CSF2RB: variants seen among roughly 807,000 people sequenced by gnomAD.
CSF2RB encodes cytokine receptor common subunit beta.
CSF2RB carries 22 observed loss-of-function variants against 67.2 expected under a neutral mutation model. That is an observed-to-expected ratio of 0.33 (90% CI 0.23 to 0.47). The LOEUF is 0.47. Among genes scored for constraint, CSF2RB ranks in the 20% least tolerant of loss-of-function variants. The pLI is 1.00. For missense variants in CSF2RB, 1,113 were observed against 1,174.5 expected (o/e 0.95, Z 0.76); for synonymous variants, 507 against 482.9 (o/e 1.05, Z -0.65).
At chr22:36,921,107 G>A (rs1483306392) in intron 1 of CSF2RB, among the ~76,000 whole-genome samples, 1 of 117,328 alleles carries the variant, frequency 8.5e-6, no homozygotes, top group Non-Finnish European at 2.0e-5. Context: ...ATGTGTGTCT[G>A]TGTATGTGTG....
chr22:36,935,585 G>A (rs757510670), intron 11 of CSF2RB, 45 bp from the exon 12 acceptor site: 14 of 1,612,240 alleles, frequency 8.7e-6, no homozygotes, highest in Non-Finnish European at 1.1e-5. Context: ...GGGAGCAGCT[G>A]GCCATGAGGT....
intron 2 of CSF2RB, among the ~76,000 whole-genome samples, 153 bp downstream of exon 2, chr22:36,922,436 C>G (rs551847642): frequency 6.6e-6 from 1 of 152,166 alleles, no homozygotes; most frequent in African/African-American, 2.4e-5. Context: ...GGGCCTCCCC[C>G]GCTTCCCTCC....
intron 1 of CSF2RB, among the ~76,000 whole-genome samples, chr22:36,919,259 C>T (rs75796150): frequency 7.8e-4 from 119 of 152,344 alleles, no homozygotes; most frequent in Non-Finnish European, 1.2e-3. Context: ...CCCCCTGCTT[C>T]TGAATGCTGG....
At chr22:36,923,452 C>A in intron 3 of CSF2RB, 85 bp downstream of exon 3, 1 of 1,554,826 alleles carries the variant, frequency 6.4e-7, no homozygotes, top group Admixed American at 1.9e-5. Flanking sequence ...AGAGAGGGAC[C>A]TGTCAGGTCA....
At chr22:36,927,412 A>T (rs1408445388) in intron 4 of CSF2RB, among the ~76,000 whole-genome samples, 1 of 152,152 alleles carries the variant, frequency 6.6e-6, no homozygotes, top group Non-Finnish European at 1.5e-5. Flanking sequence ...GGAGATCAGA[A>T]CAGGCTTCCC....
At position 36,932,841 on chromosome 22, in the gene CSF2RB, G is replaced by A; in HGVS notation, c.1089G>A (p.Met363Ile). The change falls in exon 9 of 14, where the codon ATG becomes ATA. Residue 363 changes from methionine (M) to isoleucine (I), a missense_variant. Around this residue, in one of 2 missense-constraint regions of CSF2RB, gnomAD observed 559 missense variants for 656.5 expected, o/e 0.85. Coordinates refer to ENST00000403662, the MANE Select transcript of CSF2RB (RefSeq NM_000395.3). ...SYSLRWETMK[M>I]RYEHIDHTFE... is the part of the protein sequence containing the mutation. ...GCCTGCGCTGGGAAACAATGAAAAT[G>A]CGATACGAACACATAGACCACACAT... 2 of 1,614,194 alleles carry A rather than the reference G, an allele frequency of 1.2e-6. No homozygotes were observed. Among genetic ancestry groups the A allele is most frequent in the Non-Finnish European group, 1.7e-6 (2 of 1,180,050 alleles).
chr22:36,915,143 G>T (rs1940689390), intron 1 of CSF2RB, among the ~76,000 whole-genome samples: 1 of 152,124 alleles, frequency 6.6e-6, no homozygotes, highest in South Asian at 2.1e-4. Flanking sequence ...GGAATGCAGT[G>T]GTGCAATCTT....
Position 36,938,957 on chromosome 22 carries a change from C to A in CSF2RB, c.*455C>A. The A allele has an allele frequency of 1.7e-6, 1 of 599,904 alleles. No individual in the cohort carries two copies. Among genetic ancestry groups the A allele is most frequent in the Non-Finnish European group, 3.0e-6 (1 of 335,666 alleles). 37.2% of individuals were successfully genotyped at this position (599,904 alleles called of 1,614,324 possible). A position where few individuals can be genotyped will look rare whatever the true frequency, so the allele number is the denominator to read the frequency against. ...GTGTGGGCTGCCTGTCCCCGGCAGTCGCTGATGCACATGACATGATTCTCA... is the reference window on the plus strand; with the variant it reads ...GTGTGGGCTGCCTGTCCCCGGCAGTAGCTGATGCACATGACATGATTCTCA... On this transcript the variant is annotated 3_prime_UTR_variant, in exon 14 of 14. Transcript: ENST00000403662.
chr22:36,924,236 G>A (rs1398142492), intron 3 of CSF2RB, among the ~76,000 whole-genome samples: 2 of 151,954 alleles, frequency 1.3e-5, no homozygotes, highest in South Asian at 2.1e-4. Flanking sequence ...CAGGGGACCA[G>A]GGAGAAGCTC....
chr22:36,939,106 C>A lies in CSF2RB; in HGVS notation c.*604C>A. 1.4e-6 allele frequency: 1 copy of A among 701,602 alleles called. No homozygotes were observed. The allele number at this position is 701,602 out of a possible 1,614,324, so 43.5% of individuals were successfully genotyped here. A position where few individuals can be genotyped will look rare whatever the true frequency, so the allele number is the denominator to read the frequency against. On this transcript the variant is annotated 3_prime_UTR_variant, in exon 14 of 14. Coordinates refer to ENST00000403662, the MANE Select transcript of CSF2RB (RefSeq NM_000395.3). ...TTCAGACTAGCCTCGATTGTCACTC[C>A]GAGAAATGGGCATGGTATTGGGGGT...
chr22:36,939,588 A>T lies in CSF2RB; in HGVS notation c.*1086A>T, dbSNP rs545652668. On this transcript the variant is annotated 3_prime_UTR_variant, in exon 14 of 14. Transcript: ENST00000403662. The stretch of plus-strand genomic sequence containing the variant: ...TGCTTTAATTTGCATTATTTTAGTT[A>T]TCCAGTTTGCACATATTTTTATAGG... 1.1e-4 allele frequency: 27 copies of T among 247,614 alleles called. No homozygotes were observed. The highest frequency in any genetic ancestry group is 1.9e-4 in the Non-Finnish European group (24 of 124,308). 15.3% of individuals were successfully genotyped at this position (247,614 alleles called of 1,614,324 possible). A position where few individuals can be genotyped will look rare whatever the true frequency, so the allele number is the denominator to read the frequency against.
At chr22:36,930,335 G>A in intron 6 of CSF2RB, 40 bp from the exon 7 acceptor site, 2 of 1,612,820 alleles carry the variant, frequency 1.2e-6, no homozygotes, top group Non-Finnish European at 1.7e-6. Flanking sequence ...CTATGGGAGG[G>A]ATGAATGACG....
Position 36,929,683 on chromosome 22 carries a change from G to T in CSF2RB, c.594G>T (p.Gly198=), listed in dbSNP as rs374827848. The change falls in exon 6 of 14, where the codon GGG becomes GGT. Residue 198 remains glycine (G), a synonymous_variant. Coordinates refer to ENST00000403662, the MANE Select transcript of CSF2RB (RefSeq NM_000395.3). ...LLSNTSQATL[G]PEHLMPSSTY... is the part of the protein sequence containing the mutation. ...CCAACACCTCCCAGGCCACCCTGGG[G>T]CCAGAGCACCTCATGCCCAGCAGCA... is the stretch of plus-strand genomic sequence containing the variant. The T allele has an allele frequency of 6.2e-7, 1 of 1,614,068 alleles. No homozygotes were observed. Among genetic ancestry groups the T allele is most frequent in the African/African-American group, 1.3e-5 (1 of 74,934 alleles).
intron 3 of CSF2RB, among the ~76,000 whole-genome samples, chr22:36,925,034 T>C (rs1014924201): frequency 4.6e-5 from 7 of 152,198 alleles, no homozygotes; most frequent in African/African-American, 1.7e-4. Flanking sequence ...AGACAACAGG[T>C]GTCTCCGACT....
At chr22:36,923,526 G>A (rs775671296) in intron 3 of CSF2RB, among the ~76,000 whole-genome samples, 159 bp downstream of exon 3, 6 of 152,190 alleles carry the variant, frequency 3.9e-5, no homozygotes, top group Non-Finnish European at 7.3e-5. Flanking sequence ...CTCCTGCTCC[G>A]CCAGGCACCT....
At chr22:36,914,255 G>A (rs1304771263) in intron 1 of CSF2RB, among the ~76,000 whole-genome samples, 1 of 152,120 alleles carries the variant, frequency 6.6e-6, no homozygotes, top group African/African-American at 2.4e-5. Context: ...GAGAGACTAA[G>A]AGGCAGAGGG....
chr22:36,932,264 G>A (rs1484247415), intron 8 of CSF2RB, among the ~76,000 whole-genome samples: 4 of 152,036 alleles, frequency 2.6e-5, no homozygotes, highest in South Asian at 2.1e-4. Flanking sequence ...GTGAAACCCC[G>A]TCTCCACTGA....
chr22:36,922,535 G>A (rs1940902500), intron 2 of CSF2RB: 1 of 585,102 alleles, frequency 1.7e-6, no homozygotes, highest in East Asian at 2.8e-5. Flanking sequence ...GGCACTCCCG[G>A]CCCCTAGGCT....
rs936908460 is a variant in CSF2RB at position 36,933,896 on chromosome 22, C to G, written c.1217C>G (p.Thr406Ser). The G allele has an allele frequency of 3.1e-6, 5 of 1,611,890 alleles. No individual in the cohort carries two copies. Among genetic ancestry groups the G allele is most frequent in the East Asian group, 4.5e-5 (2 of 44,868 alleles). Residue 406 changes from threonine to serine, a missense_variant, in exon 10 of 14, where the codon ACC (threonine) becomes AGC (serine). Around this residue, in one of 2 missense-constraint regions of CSF2RB, gnomAD observed 559 missense variants for 656.5 expected, o/e 0.85. Coordinates refer to ENST00000403662, the MANE Select transcript of CSF2RB (RefSeq NM_000395.3). ...GCCCTGCCAGCCCTGGAGCCCTCCA[C>G]CAGGTACTGGGCCAGGGTGAGGGTC... is the stretch of plus-strand genomic sequence containing the variant. Reference protein sequence around the residue: ...SMALPALEPSTRYWARVRVRT... With the variant: ...SMALPALEPSSRYWARVRVRT...
Sources: allele counts gnomAD v4.1 joint callset (sites outside exome capture counted in the v4.1 genomes callset), GRCh38; gene constraint gnomAD v4.1.1; regional missense constraint gnomAD v4.1.1; transcripts MANE v1.5; gene names NCBI Gene and HGNC (gene_info 2026-07-23, HGNC 2026-07-21).